The following ZFHX3 variants were observed in gnomAD, a reference collection of about 807,000 sequenced individuals.
The protein encoded by ZFHX3 is zinc finger homeobox protein 3.
Under a neutral mutation model 279.1 loss-of-function variants are expected in ZFHX3, and 42 were observed. The ratio of observed to expected loss-of-function variants is 0.15; its 90% CI spans 0.12 to 0.19. The LOEUF (loss-of-function observed/expected upper bound fraction) is 0.19. Ranked by LOEUF, ZFHX3 falls within the 10% of genes least tolerant of loss-of-function variation. The pLI, the probability that ZFHX3 is intolerant of heterozygous loss-of-function variation, is 1.00. For missense variants in ZFHX3, 4,981 were observed against 4,754.0 expected, an observed-to-expected ratio of 1.05 and a Z score of -1.40; for synonymous variants, 2,293 against 1,957.8, an observed-to-expected ratio of 1.17 and a Z score of -4.52.
chr16:73,617,554 A>C (rs2052317090), intron 2 of ZFHX3, among the ~76,000 whole-genome samples: 1 of 152,260 alleles, frequency 6.6e-6, no homozygotes, highest in Non-Finnish European at 1.5e-5. Context: ...TCTACAATTT[A>C]CTTAACAGAT....
intron 1 of ZFHX3, among the ~76,000 whole-genome samples, chr16:73,779,952 C>A (rs1338224473): frequency 6.6e-6 from 1 of 151,704 alleles, no homozygotes; most frequent in Non-Finnish European, 1.5e-5. Flanking sequence ...CTCCTGACCT[C>A]ATGACCCACC....
intron 1 of ZFHX3, among the ~76,000 whole-genome samples, chr16:73,680,942 C>A (rs1266367994): frequency 1.3e-5 from 2 of 152,104 alleles, no homozygotes; most frequent in East Asian, 1.9e-4. Context: ...GGGAAAGATA[C>A]TATATGCAAA....
At chr16:73,276,508 ATT>A (rs1394639947) in intron 4 of ZFHX3, among the ~76,000 whole-genome samples, 4 of 152,130 alleles carry the variant, frequency 2.6e-5, no homozygotes, top group African/African-American at 9.7e-5. Context: ...TTCTTACAGT[ATT>A]GTTACTTACA....
intron 1 of ZFHX3, among the ~76,000 whole-genome samples, chr16:73,735,233 G>A (rs1036902906): frequency 6.6e-6 from 1 of 152,114 alleles, no homozygotes; most frequent in Admixed American, 6.5e-5. Context: ...TATTTGGAAT[G>A]AAATCTTGTG....
At chr16:73,559,271 C>G (rs936097967) in intron 2 of ZFHX3, among the ~76,000 whole-genome samples, 5 of 152,098 alleles carry the variant, frequency 3.3e-5, no homozygotes, top group Non-Finnish European at 5.9e-5. Context: ...TGGTCTCAAA[C>G]TCCTGGCTTC....
intron 1 of ZFHX3, among the ~76,000 whole-genome samples, chr16:73,807,770 C>T (rs1459467537): frequency 6.6e-6 from 1 of 151,744 alleles, no homozygotes; most frequent in Admixed American, 6.6e-5. Flanking sequence ...TGCACCCAGC[C>T]AAAGTATCAG....
chr16:73,847,914 T>TG (rs1378946840), intron 1 of ZFHX3, among the ~76,000 whole-genome samples: 2 of 144,606 alleles, frequency 1.4e-5, no homozygotes, highest in African/African-American at 5.1e-5. Context: ...GTTTTTTTTT[T>TG]TTTTTTTTTT....
At chr16:73,053,666 C>T (rs1965490878) in intron 1 of ZFHX3, among the ~76,000 whole-genome samples, 1 of 152,128 alleles carries the variant, frequency 6.6e-6, no homozygotes, top group South Asian at 2.1e-4. Context: ...GCATCTTCCC[C>T]AGCGGGCAAA....
At chr16:73,132,344 C>T (rs1966701872) in intron 6 of ZFHX3, among the ~76,000 whole-genome samples, 1 of 151,974 alleles carries the variant, frequency 6.6e-6, no homozygotes. Flanking sequence ...TAGAGAGGAC[C>T]CAAACTTGTG....
intron 2 of ZFHX3, among the ~76,000 whole-genome samples, chr16:73,590,880 G>A (rs924241937): frequency 5.3e-5 from 8 of 151,938 alleles, no homozygotes; most frequent in East Asian, 1.9e-4. Context: ...GATGGGGGAC[G>A]ATATCTCATC....
At chr16:72,882,977 GGTGTGTGTGTGT>G (rs56328056) in intron 4 of ZFHX3, among the ~76,000 whole-genome samples, 3,950 of 65,220 alleles carry the variant, frequency 0.061, 179 homozygotes, top group Middle Eastern at 0.068. Context: ...ACCACTCTGG[GGTGTGTGTGTGT>G]GTGTGTGTGT....
chr16:73,620,489 T>C (rs2052347978), intron 2 of ZFHX3, among the ~76,000 whole-genome samples: 1 of 152,164 alleles, frequency 6.6e-6, no homozygotes, highest in South Asian at 2.1e-4. Flanking sequence ...CAGGAGATAT[T>C]AGCAAAAATG....
chr16:73,132,874 T>C (rs947757631), intron 6 of ZFHX3, among the ~76,000 whole-genome samples: 2 of 152,242 alleles, frequency 1.3e-5, no homozygotes, highest in African/African-American at 4.8e-5. Context: ...TGGCCATCTC[T>C]CCCTCTCGTC....
chr16:73,650,812 G>C (rs1406566146), intron 2 of ZFHX3, among the ~76,000 whole-genome samples: 1 of 151,996 alleles, frequency 6.6e-6, no homozygotes, highest in African/African-American at 2.4e-5. Context: ...CTTTATCCTA[G>C]GTCTCAAAAC....
chr16:72,870,946 G>C (rs970133565), intron 4 of ZFHX3, among the ~76,000 whole-genome samples: 17 of 152,064 alleles, frequency 1.1e-4, no homozygotes, highest in Non-Finnish European at 2.2e-4. Context: ...TTGATGTCAA[G>C]GGGCACCATG....
intron 4 of ZFHX3, among the ~76,000 whole-genome samples, chr16:73,295,093 T>C (rs994040509): frequency 1.3e-5 from 2 of 151,684 alleles, no homozygotes; most frequent in Admixed American, 1.3e-4. Context: ...CAGGTGCCTG[T>C]AGTCTCAGCT....
intron 2 of ZFHX3, among the ~76,000 whole-genome samples, chr16:73,656,078 A>G (rs558492130): frequency 1.3e-5 from 2 of 152,358 alleles, no homozygotes; most frequent in South Asian, 4.1e-4. Flanking sequence ...CACTTGAATC[A>G]GGGGTTGGCA....
intron 2 of ZFHX3, among the ~76,000 whole-genome samples, chr16:73,527,194 A>G (rs192975569): frequency 6.6e-6 from 1 of 152,258 alleles, no homozygotes; most frequent in East Asian, 1.9e-4. Flanking sequence ...TTGATTTCCC[A>G]GAAATCCATC....
chr16:73,728,884 C>A (rs2053544935), intron 1 of ZFHX3, among the ~76,000 whole-genome samples: 1 of 151,672 alleles, frequency 6.6e-6, no homozygotes, highest in Non-Finnish European at 1.5e-5. Context: ...CCATGAAAAT[C>A]ATGCATACCA....
Sources: allele counts gnomAD v4.1 joint callset (sites outside exome capture counted in the v4.1 genomes callset), GRCh38; gene constraint gnomAD v4.1.1; transcripts MANE v1.5; gene names NCBI Gene and HGNC (gene_info 2026-07-23, HGNC 2026-07-21).